The following UNKL variants were observed in gnomAD, a reference collection of about 807,000 sequenced individuals.
UNKL encodes the protein unk like zinc finger.
UNKL carries 60 observed loss-of-function variants against 78.0 expected under a neutral mutation model. The ratio of observed to expected loss-of-function variants is 0.77; its 90% CI spans 0.63 to 0.95. The LOEUF (loss-of-function observed/expected upper bound fraction) is 0.95, where lower values mean the gene tolerates loss of function less well. Among genes scored for constraint, UNKL ranks in the 40% least tolerant of loss-of-function variants. The pLI, the probability that UNKL is intolerant of heterozygous loss-of-function variation, is 0.00. For synonymous variants in UNKL, 608 were observed against 474.8 expected (o/e 1.28, Z -3.65); for missense variants, 1,159 against 1,045.7 (o/e 1.11, Z -1.49).
rs535905994 is a variant in UNKL at position 1,392,905 on chromosome 16, C to T, written c.1009G>A (p.Gly337Ser). 5.3e-5 allele frequency: 82 copies of T among 1,550,588 alleles called. No homozygotes were observed. Among genetic ancestry groups the T allele is most frequent in the Non-Finnish European group, 6.5e-5 (74 of 1,147,000 alleles). Residue 337 changes from glycine to serine, a missense_variant, in exon 8 of 15, where the codon GGC (glycine) becomes AGC (serine). Physicochemically the swap from Gly to Ser is moderately conservative, Grantham distance 56. Transcript: ENST00000389221. ...HLTSPSSTGS[G>S]QPGNAKRRDS... ...CGTTCACTTACATTTCCCGGCTGGCCGCTGCCCGTGGAGGAAGGACTCGTG... is the reference window on the plus strand; with the variant it reads ...CGTTCACTTACATTTCCCGGCTGGCTGCTGCCCGTGGAGGAAGGACTCGTG...
chr16:1,394,005 C>T lies in UNKL; in HGVS notation c.937+126G>A, dbSNP rs1016989808. 4.3e-5 allele frequency: 40 copies of T among 941,076 alleles called. No homozygotes were observed. In the East Asian group the frequency reaches 7.2e-4, roughly 17 times the overall value. The allele number at this position is 941,076 out of a possible 1,614,324, so 58.3% of individuals were successfully genotyped here. On this transcript the variant is annotated intron_variant, in intron 7 of 14. Coordinates refer to ENST00000389221, the MANE Select transcript of UNKL (RefSeq NM_001372107.1). ...GTCAGGGACCCCCAGCCCCCAACCA[C>T]GGTGCTGAGCTCCTGCCCGCCTTCC...
intron 12 of UNKL, 147 bp downstream of exon 12, chr16:1,369,983 G>C: frequency 6.4e-7 from 1 of 1,550,880 alleles, no homozygotes; most frequent in Non-Finnish European, 8.7e-7. Context: ...TGCGGCGTGG[G>C]GGAACCTGTG....
chr16:1,365,505 TG>T lies in UNKL; in HGVS notation c.*734del. 6.6e-6 allele frequency: 1 copy of T among 152,532 alleles called. No individual in the cohort carries two copies. Among genetic ancestry groups the T allele is most frequent in the East Asian group, 1.9e-4 (1 of 5,196 alleles). 9.4% of individuals were successfully genotyped at this position (152,532 alleles called of 1,614,324 possible). A position where few individuals can be genotyped will look rare whatever the true frequency, so the allele number is the denominator to read the frequency against. ...CTCTCCTGCTCCCACGCCACGAGGCTGGAACATCAGCCCCAGTGCCTGGTGC... is the reference window on the plus strand; with the variant it reads ...CTCTCCTGCTCCCACGCCACGAGGCTGAACATCAGCCCCAGTGCCTGGTGC... On this transcript the variant is annotated 3_prime_UTR_variant, in exon 15 of 15. Coordinates refer to ENST00000389221, the MANE Select transcript of UNKL (RefSeq NM_001372107.1).
At chr16:1,372,508 C>G (rs1251422656) in intron 10 of UNKL, among the ~76,000 whole-genome samples, 1 of 152,078 alleles carries the variant, frequency 6.6e-6, no homozygotes, top group Non-Finnish European at 1.5e-5. Flanking sequence ...AAGTCCCCAC[C>G]CCCAACCCCG....
chr16:1,401,741 G>C, intron 3 of UNKL, 40 bp from the exon 4 acceptor site: 1 of 1,580,382 alleles, frequency 6.3e-7, no homozygotes, highest in Non-Finnish European at 8.6e-7. Context: ...TCTGCATCTG[G>C]AGCCTCCAAA....
intron 1 of UNKL, 165 bp from the exon 2 acceptor site, chr16:1,414,220 G>A (rs2038176627): frequency 2.9e-6 from 2 of 692,010 alleles, no homozygotes; most frequent in East Asian, 5.7e-5. Flanking sequence ...CCCGACTCCA[G>A]ACGCGACCCT....
At chr16:1,366,425 G>A (rs1220905850) in intron 14 of UNKL, 30 bp from the exon 15 acceptor site, 1 of 1,548,850 alleles carries the variant, frequency 6.5e-7, no homozygotes, top group Non-Finnish European at 8.8e-7. Context: ...ACGGGCTCAG[G>A]AGGCCCCTGC....
chr16:1,396,951 A>G, intron 6 of UNKL: 1 of 555,554 alleles, frequency 1.8e-6, no homozygotes, highest in African/African-American at 1.9e-5. Context: ...TTCTTCTGTT[A>G]CAGGCCAAGT....
chr16:1,410,652 T>C (rs1567242217), intron 2 of UNKL, among the ~76,000 whole-genome samples: 1 of 152,162 alleles, frequency 6.6e-6, no homozygotes, highest in Non-Finnish European at 1.5e-5. Context: ...GGCTGGGTGC[T>C]CGTCTTCACA....
chr16:1,364,279 A>G lies in UNKL; in HGVS notation c.*1961T>C, dbSNP rs1002626865. 1 of 152,266 alleles carries G rather than the reference A, an allele frequency of 6.6e-6. No individual in the cohort carries two copies. The highest frequency in any genetic ancestry group is 1.5e-5 in the Non-Finnish European group (1 of 68,046). 9.4% of individuals were successfully genotyped at this position (152,266 alleles called of 1,614,324 possible). A position where few individuals can be genotyped will look rare whatever the true frequency, so the allele number is the denominator to read the frequency against. ...TCCTTTAAAACAACAGAATGTTGCT[A>G]TCAGTTTGTCTTACGTTAAAACAGT... On this transcript the variant is annotated 3_prime_UTR_variant, in exon 15 of 15. Coordinates refer to ENST00000389221, the MANE Select transcript of UNKL (RefSeq NM_001372107.1).
At position 1,364,994 on chromosome 16, in the gene UNKL, CT is replaced by C. The variant is rs112378427; in HGVS notation, c.*1245del. 422 of 140,364 alleles carry C rather than the reference CT, an allele frequency of 3.0e-3. No individual in the cohort carries two copies. The highest frequency in any genetic ancestry group is 7.4e-3 in the Middle Eastern group (2 of 272). The allele number at this position is 140,364 out of a possible 1,614,324, so 8.7% of individuals were successfully genotyped here. On this transcript the variant is annotated 3_prime_UTR_variant, in exon 15 of 15. Transcript: ENST00000389221. ...ACAGCTCTGAGTAATCAGAAAACAGCTTTTTTTTTTTTTTTTTGAGCCAGAG... is the reference window on the plus strand; with the variant it reads ...ACAGCTCTGAGTAATCAGAAAACAGCTTTTTTTTTTTTTTTTGAGCCAGAG...
chr16:1,383,223 G>A (rs1295496622), intron 10 of UNKL, among the ~76,000 whole-genome samples: 11 of 142,920 alleles, frequency 7.7e-5, no homozygotes, highest in African/African-American at 1.6e-4. Context: ...AGTGAGCCAA[G>A]ATCACGCCAC....
At chr16:1,409,772 C>T (rs531336297) in intron 2 of UNKL, among the ~76,000 whole-genome samples, 10 of 152,100 alleles carry the variant, frequency 6.6e-5, no homozygotes, top group Non-Finnish European at 1.3e-4. Flanking sequence ...CACCAAGACA[C>T]CCAGACTCCG....
chr16:1,405,524 C>T (rs1448399283), intron 2 of UNKL, among the ~76,000 whole-genome samples: 2 of 151,556 alleles, frequency 1.3e-5, no homozygotes, highest in Non-Finnish European at 2.9e-5. Flanking sequence ...TGCAGTGAAC[C>T]GAGATCGCGC....
chr16:1,414,505 TGCGCGGAGGCCGGGGG>T (rs1314840329), intron 1 of UNKL, 94 bp downstream of exon 1: 2 of 227,538 alleles, frequency 8.8e-6, no homozygotes, highest in Non-Finnish European at 1.5e-5. Flanking sequence ...GCCCAGGCGC[TGCGCGGAGGCCGGGGG>T]GCGCGGGGGC....
At chr16:1,405,948 C>A (rs577348226) in intron 2 of UNKL, 1 of 456,672 alleles carries the variant, frequency 2.2e-6, no homozygotes, top group Non-Finnish European at 4.4e-6. Context: ...AACACATTCT[C>A]GAGACTGCGA....
Position 1,390,689 on chromosome 16 carries a change from C to T in UNKL, c.1029G>A (p.Lys343=). Residue 343 remains lysine, a synonymous_variant, in exon 9 of 15, where the codon AAG becomes AAA. Coordinates refer to ENST00000389221, the MANE Select transcript of UNKL (RefSeq NM_001372107.1). ...STGSGQPGNA[K]RRDSPAEGGP... Reference sequence around the variant, plus strand: ...CACCCTCGGCCGGCGAGTCTCTCCGCTTGGCCTGCAACATAAAAAACAGTC... The same window carrying T: ...CACCCTCGGCCGGCGAGTCTCTCCGTTTGGCCTGCAACATAAAAAACAGTC... 2 of 1,536,010 alleles carry T rather than the reference C, an allele frequency of 1.3e-6. No individual in the cohort carries two copies. Among genetic ancestry groups the T allele is most frequent in the Non-Finnish European group, 1.7e-6 (2 of 1,146,878 alleles).
intron 2 of UNKL, chr16:1,406,027 C>T (rs1567237483): frequency 4.4e-6 from 2 of 456,624 alleles, no homozygotes; most frequent in African/African-American, 2.0e-5. Flanking sequence ...GTGGACGAGG[C>T]CCGTGGATCT....
chr16:1,363,307 GTTAACT>G lies in UNKL; in HGVS notation c.*2927_*2932del. On this transcript the variant is annotated 3_prime_UTR_variant, in exon 15 of 15. Coordinates refer to ENST00000389221, the MANE Select transcript of UNKL (RefSeq NM_001372107.1). Reference sequence around the variant, plus strand: ...ATAGTGTAAAAAAATTTAAACAAGTGTTAACTTTAAACAGTTCGCTACAAGTAAATG... The same window carrying G: ...ATAGTGTAAAAAAATTTAAACAAGTGTTAAACAGTTCGCTACAAGTAAATG... 1.7e-6 allele frequency: 1 copy of G among 575,746 alleles called. No individual in the cohort carries two copies. Among genetic ancestry groups the G allele is most frequent in the South Asian group, 1.9e-5 (1 of 51,638 alleles). The allele number at this position is 575,746 out of a possible 1,614,324, so 35.7% of individuals were successfully genotyped here. A position where few individuals can be genotyped will look rare whatever the true frequency, so the allele number is the denominator to read the frequency against.
Sources: allele counts gnomAD v4.1 joint callset (sites outside exome capture counted in the v4.1 genomes callset), GRCh38; gene constraint gnomAD v4.1.1; transcripts MANE v1.5; gene names NCBI Gene and HGNC (gene_info 2026-07-23, HGNC 2026-07-21).